Variants in JAKMIP2 observed in about 807,000 individuals in gnomAD.
JAKMIP2 encodes the protein janus kinase and microtubule-interacting protein 2.
A neutral mutation model predicts 115.0 loss-of-function variants in JAKMIP2; 25 were observed. That is an observed-to-expected ratio of 0.22 (90% CI 0.16 to 0.30). The LOEUF (loss-of-function observed/expected upper bound fraction) is 0.30. Among genes scored for constraint, JAKMIP2 ranks in the 10% least tolerant of loss-of-function variants. The pLI, the probability that JAKMIP2 is intolerant of heterozygous loss-of-function variation, is 1.00. For synonymous variants in JAKMIP2, 334 were observed against 343.6 expected (o/e 0.97, Z 0.31); for missense variants, 642 against 957.6 (o/e 0.67, Z 4.35).
chr5:147,642,641 T>C (rs1257286032), intron 7 of JAKMIP2, among the ~76,000 whole-genome samples: 2 of 151,834 alleles, frequency 1.3e-5, no homozygotes, highest in Non-Finnish European at 2.9e-5. Context: ...AGTAATCTTG[T>C]TTAAGCCAGT....
At chr5:147,594,917 T>C (rs1755292129) in intron 21 of JAKMIP2, among the ~76,000 whole-genome samples, 1 of 152,094 alleles carries the variant, frequency 6.6e-6, no homozygotes, top group Admixed American at 6.6e-5. Flanking sequence ...TTGTATGAAA[T>C]GTAACTGAAG....
At chr5:147,660,058 A>G (rs1283167467) in intron 3 of JAKMIP2, among the ~76,000 whole-genome samples, 1 of 152,216 alleles carries the variant, frequency 6.6e-6, no homozygotes, top group African/African-American at 2.4e-5. Context: ...CATAAAGTAC[A>G]TTCTAACAGG....
At position 147,687,657 on chromosome 5, in the gene JAKMIP2, A is replaced by G. The variant is rs1760637601; in HGVS notation, c.-148-15703T>C. ...GAGAATTTAGAAAGGGCTCATTTTT[A>G]TATCTGATATTAAAACTGGTCTATT... is the stretch of plus-strand genomic sequence containing the variant. On this transcript the variant is annotated intron_variant, in intron 1 of 21. Coordinates refer to ENST00000616793, the MANE Select transcript of JAKMIP2 (RefSeq NM_001270941.2). 2.0e-5 allele frequency among the ~76,000 whole-genome samples: 3 copies of G among 152,204 alleles called. No individual in the cohort carries two copies. The South Asian group carries it at 6.2e-4, about 32-fold the overall frequency.
chr5:147,639,477 A>G (rs1339273361), intron 10 of JAKMIP2, among the ~76,000 whole-genome samples, 155 bp downstream of exon 10: 2 of 152,248 alleles, frequency 1.3e-5, no homozygotes, highest in African/African-American at 4.8e-5. Flanking sequence ...TTCTAGAGTC[A>G]AGGTTTGTTG....
At chr5:147,692,716 C>T (rs540479471) in intron 1 of JAKMIP2, among the ~76,000 whole-genome samples, 31 of 152,206 alleles carry the variant, frequency 2.0e-4, no homozygotes, top group African/African-American at 6.7e-4. Flanking sequence ...GAGAGTGCAG[C>T]ACTTGTAATT....
At chr5:147,686,989 A>T (rs1760601454) in intron 1 of JAKMIP2, among the ~76,000 whole-genome samples, 1 of 152,134 alleles carries the variant, frequency 6.6e-6, no homozygotes, top group Non-Finnish European at 1.5e-5. Context: ...AAATCTCAGA[A>T]GATTCTGGGA....
At chr5:147,593,852 C>A (rs889770194) in intron 21 of JAKMIP2, among the ~76,000 whole-genome samples, 1 of 152,088 alleles carries the variant, frequency 6.6e-6, no homozygotes, top group African/African-American at 2.4e-5. Context: ...GAGAGTTGAT[C>A]TGAATGTATA....
intron 3 of JAKMIP2, among the ~76,000 whole-genome samples, chr5:147,653,430 G>A (rs980970272): frequency 2.6e-5 from 4 of 151,932 alleles, no homozygotes; most frequent in Admixed American, 2.6e-4. Context: ...GTATCTAATT[G>A]TGGTTTTGAT....
chr5:147,699,499 A>G (rs1188554296), intron 1 of JAKMIP2, among the ~76,000 whole-genome samples: 1 of 152,192 alleles, frequency 6.6e-6, no homozygotes, highest in Non-Finnish European at 1.5e-5. Context: ...AAAAGAGGGT[A>G]GGCAGAGAGG....
At chr5:147,689,010 G>A (rs1580784789) in intron 1 of JAKMIP2, among the ~76,000 whole-genome samples, 1 of 152,206 alleles carries the variant, frequency 6.6e-6, no homozygotes, top group Non-Finnish European at 1.5e-5. Context: ...AACAGAGGTC[G>A]ACAGGAAGGA....
intron 1 of JAKMIP2, among the ~76,000 whole-genome samples, chr5:147,735,492 T>C (rs1194262747): frequency 2.0e-5 from 3 of 152,150 alleles, no homozygotes; most frequent in African/African-American, 7.2e-5. Flanking sequence ...AGGGCAACTC[T>C]GGTTTATAAA....
At chr5:147,638,327 A>C (rs915904760) in intron 10 of JAKMIP2, among the ~76,000 whole-genome samples, 1 of 152,126 alleles carries the variant, frequency 6.6e-6, no homozygotes, top group African/African-American at 2.4e-5. Context: ...ACAGGGAGGA[A>C]TCTCCAAAAA....
chr5:147,739,275 A>AT (rs1312120440), intron 1 of JAKMIP2, among the ~76,000 whole-genome samples: 1 of 152,160 alleles, frequency 6.6e-6, no homozygotes, highest in African/African-American at 2.4e-5. Flanking sequence ...GTGCTGCGGC[A>AT]TCTGCAGGGT....
chr5:147,749,834 A>G (rs942307380), intron 1 of JAKMIP2, among the ~76,000 whole-genome samples: 21 of 152,206 alleles, frequency 1.4e-4, no homozygotes, highest in African/African-American at 5.1e-4. Flanking sequence ...CTGTTGCAAT[A>G]GTTAAGAAGC....
chr5:147,628,900 A>G, intron 15 of JAKMIP2, 84 bp from the exon 16 acceptor site: 1 of 927,758 alleles, frequency 1.1e-6, no homozygotes, highest in Non-Finnish European at 1.7e-6. Context: ...ACTGCTACAG[A>G]GCATTCTGTA....
Position 147,589,163 on chromosome 5 carries a change from G to A in JAKMIP2, c.*2544C>T, listed in dbSNP as rs1374685548. On this transcript the variant is annotated 3_prime_UTR_variant, in exon 22 of 22. Coordinates refer to ENST00000616793, the MANE Select transcript of JAKMIP2 (RefSeq NM_001270941.2). ...CCTAGTTGAATAAAGAATCCAGCAGGAGGCCGGGCACAGTGGCTTACACCT... is the reference window on the plus strand; with the variant it reads ...CCTAGTTGAATAAAGAATCCAGCAGAAGGCCGGGCACAGTGGCTTACACCT... 3 of 152,030 alleles carry A rather than the reference G, an allele frequency of 2.0e-5. No homozygotes were observed. Among genetic ancestry groups the A allele is most frequent in the Non-Finnish European group, 4.4e-5 (3 of 68,016 alleles). 9.4% of individuals were successfully genotyped at this position (152,030 alleles called of 1,614,324 possible).
intron 2 of JAKMIP2, among the ~76,000 whole-genome samples, chr5:147,670,512 GGTGAGAT>G (rs1483096020): frequency 9.9e-5 from 15 of 152,052 alleles, no homozygotes; most frequent in African/African-American, 3.6e-4. Context: ...ATACCACCTT[GGTGAGAT>G]GTGTGTTTGC....
intron 5 of JAKMIP2, among the ~76,000 whole-genome samples, chr5:147,645,643 A>C (rs903324865): frequency 2.6e-5 from 4 of 152,146 alleles, no homozygotes; most frequent in Admixed American, 6.5e-5. Flanking sequence ...AAGAGTGAGC[A>C]TACTCTCATT....
intron 1 of JAKMIP2, among the ~76,000 whole-genome samples, chr5:147,717,366 T>C (rs1175093681): frequency 6.8e-6 from 1 of 147,186 alleles, no homozygotes; most frequent in African/African-American, 2.5e-5. Flanking sequence ...AAAGTAGTTT[T>C]TTCCAATTCT....
Sources: allele counts gnomAD v4.1 joint callset (sites outside exome capture counted in the v4.1 genomes callset), GRCh38; gene constraint gnomAD v4.1.1; transcripts MANE v1.5; gene names NCBI Gene and HGNC (gene_info 2026-07-23, HGNC 2026-07-21).